The following CERS1 variants were observed in gnomAD, a reference collection of about 807,000 sequenced individuals.
CERS1 encodes the protein ceramide synthase 1.
Under a neutral mutation model 35.7 loss-of-function variants are expected in CERS1, and 16 were observed. The ratio of observed to expected loss-of-function variants is 0.45; its 90% confidence interval spans 0.30 to 0.68. The LOEUF is 0.68. Among genes scored for constraint, CERS1 ranks in the 30% least tolerant of loss-of-function variants. CERS1 has a pLI of 0.08. For missense variants in CERS1, 454 were observed against 453.9 expected (o/e 1.00, Z 0.00); for synonymous variants, 243 against 201.6 (o/e 1.21, Z -1.74).
At position 18,869,054 on chromosome 19, in the gene CERS1, G is replaced by C; in HGVS notation, c.*931C>G. 9.4e-7 allele frequency: 1 copy of C among 1,063,110 alleles called. No homozygotes were observed. Among genetic ancestry groups the C allele is most frequent in the Non-Finnish European group, 1.1e-6 (1 of 881,174 alleles). The allele number at this position is 1,063,110 out of a possible 1,614,324, so 65.9% of individuals were successfully genotyped here. A position where few individuals can be genotyped will look rare whatever the true frequency, so the allele number is the denominator to read the frequency against. ...GCGCGCGCAGGCGGCAGGGGCCCGG[G>C]GGCGTAGCGCCAGCGCCAGGCGGAG... is the stretch of plus-strand genomic sequence containing the variant. On this transcript the variant is annotated 3_prime_UTR_variant, in exon 8 of 8. Coordinates refer to ENST00000623882, the MANE Select transcript of CERS1 (RefSeq NM_021267.5).
rs371463042 is a variant in CERS1 at position 18,878,932 on chromosome 19, G to A, written c.1008C>T (p.Ala336=). The change falls in exon 6 of 8, where the codon GCC becomes GCT. Residue 336 remains alanine (A), a splice_region_variant and synonymous_variant. Transcript: ENST00000623882. This position sits in a 1 kb window ranked among gnomAD's most constrained non-coding sequence, Gnocchi z 4.6. The stretch of plus-strand genomic sequence containing the variant: ...GGTGCGGGCCCCTCCACACTCACTC[G>A]GCTTTGCTGGGCTTCAGGCTCTGGG... ...AEAQSLKPSK[A]EKPLRNGLVK... 1.9e-5 allele frequency: 31 copies of A among 1,613,498 alleles called. No homozygotes were observed. Among genetic ancestry groups the A allele is most frequent in the South Asian group, 5.5e-5 (5 of 91,046 alleles).
rs2055916942 is a variant in CERS1 at position 18,869,320 on chromosome 19, G to A, written c.*665C>T. ...GCTCAGCGGGTTCCACAGCCGACAG[G>A]TCGAAGACGACTGTCCACTCAGGGC... On this transcript the variant is annotated 3_prime_UTR_variant, in exon 8 of 8. Transcript: ENST00000623882. The A allele has an allele frequency of 6.6e-7, 1 of 1,526,158 alleles. No individual in the cohort carries two copies. The highest frequency in any genetic ancestry group is 8.7e-7 in the Non-Finnish European group (1 of 1,143,812). 94.5% of individuals were successfully genotyped at this position (1,526,158 alleles called of 1,614,324 possible). A position where few individuals can be genotyped will look rare whatever the true frequency, so the allele number is the denominator to read the frequency against.
Position 18,878,837 on chromosome 19 carries a change from T to C in CERS1, c.1010+93A>G, listed in dbSNP as rs2056116662. On this transcript the variant is annotated intron_variant, in intron 6 of 7. Coordinates refer to ENST00000623882, the MANE Select transcript of CERS1 (RefSeq NM_021267.5). This position sits in a 1 kb window ranked among gnomAD's most constrained non-coding sequence, Gnocchi z 4.6. Reference sequence around the variant, plus strand: ...GGGGGCAGCATCCGCGTCGGCCTCATCTGCTGCTGGGTCTTGGGGGCCTGC... The same window carrying C: ...GGGGGCAGCATCCGCGTCGGCCTCACCTGCTGCTGGGTCTTGGGGGCCTGC... The C allele has an allele frequency of 6.5e-7, 1 of 1,540,026 alleles. No individual in the cohort carries two copies. Among genetic ancestry groups the C allele is most frequent in the African/African-American group, 1.4e-5 (1 of 73,258 alleles).
At position 18,880,404 on chromosome 19, in the gene CERS1, G is replaced by C; in HGVS notation, c.622C>G (p.Leu208Val). 6.3e-7 allele frequency: 1 copy of C among 1,592,248 alleles called. No homozygotes were observed. Among genetic ancestry groups the C allele is most frequent in the Non-Finnish European group, 8.5e-7 (1 of 1,169,660 alleles). ...AGCTGCACGTCACTGATATCGTGCA[G>C]GAAGAGCACAAGGATGCCCACATTG... Reference protein sequence around the residue: ...YHNVGILVLFLHDISDVQLEF... With the variant: ...YHNVGILVLFVHDISDVQLEF... Residue 208 changes from leucine to valine, a missense_variant, in exon 4 of 8, where the codon CTG (leucine) becomes GTG (valine). Coordinates refer to ENST00000623882, the MANE Select transcript of CERS1 (RefSeq NM_021267.5).
At chr19:18,877,969 G>A (rs1208524072) in intron 6 of CERS1, 1 of 985,122 alleles carries the variant, frequency 1.0e-6, no homozygotes, top group Non-Finnish European at 1.2e-6. Flanking sequence ...GAATCTGATG[G>A]GTTCTCCCTT....
chr19:18,887,755 A>AG (rs1003876728), intron 2 of CERS1, among the ~76,000 whole-genome samples: 27 of 152,010 alleles, frequency 1.8e-4, no homozygotes, highest in Admixed American at 1.0e-3. Context: ...AAAAAAAAAA[A>AG]AAAAAAATTG....
In CERS1 at chr19:18,869,385, G is replaced by A. The variant is rs767483299; in HGVS notation, c.*600C>T. ...GAGGCAGGCTCCGAGGCCCGGGTGG[G>A]CGCACCTGGGGAGGTAGGAACAGGA... is the stretch of plus-strand genomic sequence containing the variant. On this transcript the variant is annotated 3_prime_UTR_variant, in exon 8 of 8. Transcript: ENST00000623882. 2.1e-5 allele frequency: 32 copies of A among 1,528,612 alleles called. 2 individuals are homozygous for A. In the South Asian group the frequency reaches 3.8e-4, roughly 18 times the overall value. The allele number at this position is 1,528,612 out of a possible 1,614,324, so 94.7% of individuals were successfully genotyped here. A position where few individuals can be genotyped will look rare whatever the true frequency, so the allele number is the denominator to read the frequency against.
In CERS1 at chr19:18,895,991, C is replaced by T. The variant is rs1370577039; in HGVS notation, c.82G>A (p.Gly28Ser). The T allele has an allele frequency of 5.8e-6, 6 of 1,037,738 alleles. No individual in the cohort carries two copies. In the Admixed American group the frequency reaches 1.6e-4, roughly 28 times the overall value. The allele number at this position is 1,037,738 out of a possible 1,614,324, so 64.3% of individuals were successfully genotyped here. A position where few individuals can be genotyped will look rare whatever the true frequency, so the allele number is the denominator to read the frequency against. The change falls in exon 1 of 8, where the codon GGC (glycine) becomes AGC (serine). Residue 28 changes from glycine to serine, a missense_variant. Physicochemically the swap from Gly to Ser is moderately conservative, Grantham distance 56 (BLOSUM62 0). Coordinates refer to ENST00000623882, the MANE Select transcript of CERS1 (RefSeq NM_021267.5). This position sits in a 1 kb window ranked among gnomAD's most constrained non-coding sequence, Gnocchi z 6.4. ...CCCCGCGCCGCCGCCAGCGCGCTGCCCCAGCCGCGCTGCACTAGCTGCGCG... is the reference window on the plus strand; with the variant it reads ...CCCCGCGCCGCCGCCAGCGCGCTGCTCCAGCCGCGCTGCACTAGCTGCGCG... ...SYAQLVQRGW[G>S]SALAAARGCT...
At position 18,868,901 on chromosome 19, in the gene CERS1, A is replaced by T; in HGVS notation, c.*1084T>A. The T allele has an allele frequency of 7.2e-7, 1 of 1,396,908 alleles. No individual in the cohort carries two copies. The highest frequency in any genetic ancestry group is 9.4e-7 in the Non-Finnish European group (1 of 1,066,992). 86.5% of individuals were successfully genotyped at this position (1,396,908 alleles called of 1,614,324 possible). ...GCCCACCTCGCGGAAGCTCACGTACAGCCGCCGCGCGCGACAAGCGCCCCC... is the reference window on the plus strand; with the variant it reads ...GCCCACCTCGCGGAAGCTCACGTACTGCCGCCGCGCGCGACAAGCGCCCCC... On this transcript the variant is annotated 3_prime_UTR_variant, in exon 8 of 8. Coordinates refer to ENST00000623882, the MANE Select transcript of CERS1 (RefSeq NM_021267.5).
At chr19:18,873,937 G>C (rs565946852) in intron 6 of CERS1, among the ~76,000 whole-genome samples, 206 of 152,194 alleles carry the variant, frequency 1.4e-3, no homozygotes, top group South Asian at 0.013. Context: ...CTTCGGGATG[G>C]GGGGAGGAAG....
At chr19:18,891,982 C>T (rs1226248054) in intron 2 of CERS1, among the ~76,000 whole-genome samples, 1 of 151,896 alleles carries the variant, frequency 6.6e-6, no homozygotes, top group Non-Finnish European at 1.5e-5. Context: ...CAACCTCCGC[C>T]TCCCGGGTTC....
At chr19:18,871,725 G>A (rs532424083) in intron 6 of CERS1, among the ~76,000 whole-genome samples, 1 of 152,300 alleles carries the variant, frequency 6.6e-6, no homozygotes, top group South Asian at 2.1e-4. Context: ...CCAACTGGCT[G>A]TCCCCATCCA....
chr19:18,871,526 C>T (rs1189307696), intron 6 of CERS1, among the ~76,000 whole-genome samples: 1 of 152,098 alleles, frequency 6.6e-6, no homozygotes, highest in African/African-American at 2.4e-5. Context: ...CTGGCCCCAG[C>T]TAACTTTTTT....
At chr19:18,891,512 C>A (rs2056490440) in intron 2 of CERS1, among the ~76,000 whole-genome samples, 1 of 152,168 alleles carries the variant, frequency 6.6e-6, no homozygotes, top group African/African-American at 2.4e-5. Context: ...CCCTGCCCAG[C>A]CCACCCGGAG....
chr19:18,872,882 C>T (rs1029824723), intron 6 of CERS1, among the ~76,000 whole-genome samples: 1 of 152,192 alleles, frequency 6.6e-6, no homozygotes, highest in African/African-American at 2.4e-5. Flanking sequence ...CTCCTGACCT[C>T]AGGTGATCCA....
intron 3 of CERS1, among the ~76,000 whole-genome samples, chr19:18,882,623 C>T (rs908553533): frequency 1.3e-5 from 2 of 149,740 alleles, no homozygotes; most frequent in Admixed American, 6.7e-5. Context: ...GGCGACAGAG[C>T]GAGACTCTGT....
In CERS1 at chr19:18,878,598, C is replaced by T; in HGVS notation, c.1010+332G>A. 8.8e-7 allele frequency: 1 copy of T among 1,133,294 alleles called. No homozygotes were observed. The highest frequency in any genetic ancestry group is 6.1e-5 in the East Asian group (1 of 16,272). The allele number at this position is 1,133,294 out of a possible 1,614,324, so 70.2% of individuals were successfully genotyped here. A position where few individuals can be genotyped will look rare whatever the true frequency, so the allele number is the denominator to read the frequency against. On this transcript the variant is annotated intron_variant, in intron 6 of 7. Coordinates refer to ENST00000623882, the MANE Select transcript of CERS1 (RefSeq NM_021267.5). This position sits in a 1 kb window ranked among gnomAD's most constrained non-coding sequence, Gnocchi z 4.6. ...AGAGGTCGTCATCCAGGCTGGCCAGCAACTACTCCTCACCACCCACAGGGC... is the reference window on the plus strand; with the variant it reads ...AGAGGTCGTCATCCAGGCTGGCCAGTAACTACTCCTCACCACCCACAGGGC...
rs1416771413 is a variant in CERS1, at chr19:18,880,196, T to A, written c.752+78A>T. On this transcript the variant is annotated intron_variant, in intron 4 of 7. Transcript: ENST00000623882. ...ACCGGGCCCCGCCTCCTTCCCTGCC[T>A]GGTCCCGCCCCTTTTCTGGACACAC... is the stretch of plus-strand genomic sequence containing the variant. 6.0e-6 allele frequency: 8 copies of A among 1,332,156 alleles called. No homozygotes were observed. In the African/African-American group the frequency reaches 1.1e-4, roughly 18 times the overall value. 82.5% of individuals were successfully genotyped at this position (1,332,156 alleles called of 1,614,324 possible).
At chr19:18,879,203 G>A (rs748531926) in intron 5 of CERS1, 38 bp downstream of exon 5, 19 of 1,611,714 alleles carry the variant, frequency 1.2e-5, no homozygotes, top group Admixed American at 1.7e-5. Flanking sequence ...GGACGAGGAC[G>A]GGACCGCCAC....
Sources: allele counts gnomAD v4.1 joint callset (sites outside exome capture counted in the v4.1 genomes callset), GRCh38; gene constraint gnomAD v4.1.1; non-coding constraint Gnocchi (gnomAD v3.1); transcripts MANE v1.5; gene names NCBI Gene and HGNC (gene_info 2026-07-23, HGNC 2026-07-21).